Variants in KIAA2012 observed in about 807,000 individuals in gnomAD.
The protein encoded by KIAA2012 is uncharacterized protein KIAA2012.
Under a neutral mutation model 150.6 loss-of-function variants are expected in KIAA2012, and 125 were observed. The observed-to-expected ratio is 0.83, with a 90% CI of 0.72 to 0.96. KIAA2012 has a LOEUF of 0.96. Ranked by LOEUF, KIAA2012 falls within the 40% of genes least tolerant of loss-of-function variation. The pLI, the probability that KIAA2012 is intolerant of heterozygous loss-of-function variation, is 0.00. For synonymous variants in KIAA2012, 462 were observed against 504.7 expected (o/e 0.92, Z 1.13); for missense variants, 1,219 against 1,354.9 (o/e 0.90, Z 1.57).
chr2:202,073,566 C>T lies in KIAA2012; in HGVS notation c.-62C>T, dbSNP rs975878110. The T allele has an allele frequency of 2.8e-6, 4 of 1,439,870 alleles. No homozygotes were observed. Among genetic ancestry groups the T allele is most frequent in the Non-Finnish European group, 3.8e-6 (4 of 1,051,080 alleles). The allele number at this position is 1,439,870 out of a possible 1,614,324, so 89.2% of individuals were successfully genotyped here. ...GAGCTCTGGAAATCTTGAGGTGTGA[C>T]CAGATTTCAGCCTTCAAAACCAAGA... On this transcript the variant is annotated 5_prime_UTR_variant, in exon 1 of 24. Coordinates refer to ENST00000498697, the MANE Select transcript of KIAA2012 (RefSeq NM_001277372.4).
intron 15 of KIAA2012, among the ~76,000 whole-genome samples, chr2:202,166,395 G>A (rs999452941): frequency 6.6e-6 from 1 of 152,196 alleles, no homozygotes; most frequent in African/African-American, 2.4e-5. Context: ...GCTCACGCCT[G>A]TAATCCCAAC....
intron 11 of KIAA2012, among the ~76,000 whole-genome samples, chr2:202,124,756 T>G (rs1281030097): frequency 6.6e-6 from 1 of 152,212 alleles, no homozygotes; most frequent in African/African-American, 2.4e-5. Flanking sequence ...CTCCAGAATA[T>G]CATCTGTGGA....
chr2:202,203,376 A>AG (rs1692567345), intron 23 of KIAA2012, among the ~76,000 whole-genome samples: 1 of 152,218 alleles, frequency 6.6e-6, no homozygotes, highest in South Asian at 2.1e-4. Context: ...CGTAATGTCT[A>AG]TTTAGAACAA....
intron 8 of KIAA2012, 51 bp from the exon 9 acceptor site, chr2:202,105,710 G>A: frequency 1.3e-6 from 2 of 1,531,210 alleles, no homozygotes; most frequent in East Asian, 4.9e-5. Context: ...AGAGACATTA[G>A]GCAAAAACAA....
intron 4 of KIAA2012, among the ~76,000 whole-genome samples, 181 bp from the exon 5 acceptor site, chr2:202,097,253 AC>A (rs2105919007): frequency 6.6e-6 from 1 of 152,372 alleles, no homozygotes; most frequent in Non-Finnish European, 1.5e-5. Context: ...CTCTGTTTCC[AC>A]AGACCTGGCT....
chr2:202,166,673 CAA>C (rs35119948), intron 15 of KIAA2012, among the ~76,000 whole-genome samples: 2 of 145,070 alleles, frequency 1.4e-5, no homozygotes, highest in African/African-American at 5.1e-5. Flanking sequence ...AAAACAAAAA[CAA>C]AAAAAAAAAG....
At chr2:202,109,537 G>A (rs1343629523) in intron 9 of KIAA2012, 76 bp from the exon 10 acceptor site, 13 of 1,355,892 alleles carry the variant, frequency 9.6e-6, no homozygotes, top group Non-Finnish European at 1.3e-5. Context: ...CTTCAACCAA[G>A]TTAGAAGAGA....
In KIAA2012 at chr2:202,075,032, G is replaced by C; in HGVS notation, c.226G>C (p.Glu76Gln). ...TRKGALILYS[E>Q]GFAISAWTPK... ...AAAGGGTGCCCTGATCCTGTACTCA[G>C]AAGGTTTTGCCATTTCGGCATGGAC... The change falls in exon 2 of 24, where the codon GAA becomes CAA. Residue 76 changes from glutamate to glutamine, a missense_variant. By Grantham distance (29) the Glu-to-Gln change is conservative. Coordinates refer to ENST00000498697, the MANE Select transcript of KIAA2012 (RefSeq NM_001277372.4). 2 of 1,550,598 alleles carry C rather than the reference G, an allele frequency of 1.3e-6. No individual in the cohort carries two copies. The highest frequency in any genetic ancestry group is 1.7e-6 in the Non-Finnish European group (2 of 1,146,990).
chr2:202,159,343 T>G (rs1691603322), intron 14 of KIAA2012, among the ~76,000 whole-genome samples: 1 of 148,842 alleles, frequency 6.7e-6, no homozygotes. Flanking sequence ...TGAATAATAT[T>G]CCCAGGAAAA....
intron 15 of KIAA2012, among the ~76,000 whole-genome samples, chr2:202,175,560 C>T (rs1337218997): frequency 6.6e-6 from 1 of 152,182 alleles, no homozygotes; most frequent in Non-Finnish European, 1.5e-5. Flanking sequence ...CCCCAGAGAG[C>T]TATCTTGCCC....
At chr2:202,130,942 T>C (rs949270298) in intron 12 of KIAA2012, among the ~76,000 whole-genome samples, 1 of 151,764 alleles carries the variant, frequency 6.6e-6, no homozygotes, top group Non-Finnish European at 1.5e-5. Flanking sequence ...ATAAATAAAA[T>C]AAAAAACAAA....
chr2:202,152,059 C>T (rs1691439688), intron 13 of KIAA2012, among the ~76,000 whole-genome samples: 1 of 152,176 alleles, frequency 6.6e-6, no homozygotes, highest in African/African-American at 2.4e-5. Flanking sequence ...GCCACTGCAC[C>T]GGACCTAGCA....
Position 202,202,066 on chromosome 2 carries a change from C to T in KIAA2012, c.3408-363C>T, listed in dbSNP as rs570239961. On this transcript the variant is annotated intron_variant, in intron 22 of 23. Coordinates refer to ENST00000498697, the MANE Select transcript of KIAA2012 (RefSeq NM_001277372.4). ...AGAGACGGGATTTCACCATGTTGCT[C>T]AGGCTGATCTCAAACACCTGGCCTA... Among the ~76,000 whole-genome samples, 272 of 152,302 alleles carry T rather than the reference C, an allele frequency of 1.8e-3. 4 individuals carry two copies. Among genetic ancestry groups the T allele is most frequent in the Non-Finnish European group, 3.2e-4 (22 of 68,020 alleles).
chr2:202,075,259 G>A, intron 2 of KIAA2012, 84 bp downstream of exon 2: 1 of 1,413,750 alleles, frequency 7.1e-7, no homozygotes, highest in Non-Finnish European at 9.4e-7. Context: ...ATAATTTCTT[G>A]GACCCGGGGA....
chr2:202,179,516 G>T, intron 15 of KIAA2012: 1 of 700,550 alleles, frequency 1.4e-6, no homozygotes, highest in South Asian at 1.4e-5. Flanking sequence ...CATAGGTTTG[G>T]TGTACAGTGG....
intron 13 of KIAA2012, among the ~76,000 whole-genome samples, chr2:202,139,551 T>C (rs1046979090): frequency 7.2e-5 from 11 of 152,142 alleles, no homozygotes; most frequent in Non-Finnish European, 1.6e-4. Flanking sequence ...CCAGCACTCA[T>C]TATACATAAT....
In KIAA2012 at chr2:202,201,087, C is replaced by T. The variant is rs139782137; in HGVS notation, c.3408-1342C>T. ...ATGTTTTATTACTAACAGCAAAGACCAGTATGGCACAGTATTACTCCAAAT... is the reference window on the plus strand; with the variant it reads ...ATGTTTTATTACTAACAGCAAAGACTAGTATGGCACAGTATTACTCCAAAT... On this transcript the variant is annotated intron_variant, in intron 22 of 23. Coordinates refer to ENST00000498697, the MANE Select transcript of KIAA2012 (RefSeq NM_001277372.4). 2.8e-4 allele frequency among the ~76,000 whole-genome samples: 43 copies of T among 152,218 alleles called. No individual in the cohort carries two copies. In the East Asian group the frequency reaches 4.6e-3, roughly 16 times the overall value.
At chr2:202,122,563 C>T (rs1251726358) in intron 11 of KIAA2012, among the ~76,000 whole-genome samples, 1 of 149,822 alleles carries the variant, frequency 6.7e-6, no homozygotes, top group Non-Finnish European at 1.5e-5. Flanking sequence ...TGCAGTGGCA[C>T]GATCTCGGCT....
chr2:202,165,159 G>A, intron 14 of KIAA2012, 125 bp from the exon 15 acceptor site: 2 of 846,248 alleles, frequency 2.4e-6, no homozygotes, highest in East Asian at 2.9e-5. Context: ...AGTTGACGAA[G>A]AAGGAGAAGA....
Sources: gnomAD v4.1 joint callset for allele counts (sites outside exome capture counted in the v4.1 genomes callset) on GRCh38, gnomAD v4.1.1 for gene constraint, MANE v1.5 for transcripts, NCBI Gene and HGNC (gene_info 2026-07-23, HGNC 2026-07-21) for gene names.